The following TBCD variants were observed in gnomAD, a reference collection of about 807,000 sequenced individuals.
TBCD encodes tubulin folding cofactor D.
A neutral mutation model predicts 169.3 loss-of-function variants in TBCD; 105 were observed. The ratio of observed to expected loss-of-function variants is 0.62; its 90% CI spans 0.53 to 0.73. TBCD has a LOEUF of 0.73. TBCD is among the 30% of genes least tolerant of loss of function. TBCD has a pLI of 0.00. For missense variants in TBCD, 1,444 were observed against 1,600.1 expected, an observed-to-expected ratio of 0.90 and a Z score of 1.66; for synonymous variants, 700 against 643.9, an observed-to-expected ratio of 1.09 and a Z score of -1.32.
At chr17:82,931,523 C>T (rs915887771) in intron 33 of TBCD, among the ~76,000 whole-genome samples, 3 of 146,972 alleles carry the variant, frequency 2.0e-5, no homozygotes, top group Admixed American at 6.6e-5. Flanking sequence ...TCCGCCTTGC[C>T]GTTCGCTCAT....
intron 3 of TBCD, 81 bp downstream of exon 3, chr17:82,764,143 T>C (rs576934214): frequency 3.6e-6 from 4 of 1,111,550 alleles, no homozygotes; most frequent in Non-Finnish European, 5.3e-6. Flanking sequence ...AAAATGTTAT[T>C]TCTCAAGAAA....
At chr17:82,768,240 C>G (rs1568104495) in intron 4 of TBCD, among the ~76,000 whole-genome samples, 180 bp from the exon 5 acceptor site, 1 of 151,724 alleles carries the variant, frequency 6.6e-6, no homozygotes, top group South Asian at 2.1e-4. Flanking sequence ...GTGGGGATTC[C>G]GGGGGGGATG....
chr17:82,943,478 G>T lies in TBCD; in HGVS notation c.*1015G>T, dbSNP rs1555676257. On this transcript the variant is annotated 3_prime_UTR_variant, in exon 39 of 39. Coordinates refer to ENST00000355528, the MANE Select transcript of TBCD (RefSeq NM_005993.5). ...GAGCAACCCTTTCCCTATGTGAGGA[G>T]CCCAGGGGTGCCATGTGCGTGGTGT... is the stretch of plus-strand genomic sequence containing the variant. 1 of 152,236 alleles carries T rather than the reference G, an allele frequency of 6.6e-6. No individual in the cohort carries two copies. The highest frequency in any genetic ancestry group is 1.5e-5 in the Non-Finnish European group (1 of 68,098). 9.4% of individuals were successfully genotyped at this position (152,236 alleles called of 1,614,324 possible).
chr17:82,869,458 T>C (rs1418032955), intron 13 of TBCD, among the ~76,000 whole-genome samples: 1 of 152,008 alleles, frequency 6.6e-6, no homozygotes, highest in African/African-American at 2.4e-5. Context: ...AGGTGGAAGG[T>C]GCAGTGAGCC....
intron 13 of TBCD, among the ~76,000 whole-genome samples, chr17:82,828,486 A>G (rs2053141347): frequency 7.0e-6 from 1 of 143,020 alleles, no homozygotes; most frequent in Admixed American, 7.1e-5. Flanking sequence ...ACACGTGCAC[A>G]TCCACACAAT....
chr17:82,853,452 G>GC (rs2055982113), intron 13 of TBCD, among the ~76,000 whole-genome samples: 1 of 151,954 alleles, frequency 6.6e-6, no homozygotes, highest in Non-Finnish European at 1.5e-5. Flanking sequence ...GCCCAGGCTG[G>GC]AGTGCAGTGG....
Position 82,920,631 on chromosome 17 carries a change from G to A in TBCD, c.2101+13G>A, listed in dbSNP as rs766258155. ...GACACCGTAATTGGTAAGTGCTTTT[G>A]TTTTTAATAATAGCATTTTCTTACA... On this transcript the variant is annotated intron_variant, in intron 24 of 38. Transcript: ENST00000355528. This position sits in a 1 kb window ranked among gnomAD's most constrained non-coding sequence, Gnocchi z 4.1. 17 of 1,538,008 alleles carry A rather than the reference G, an allele frequency of 1.1e-5. No individual in the cohort carries two copies. The African/African-American group carries it at 1.1e-4, about 10-fold the overall frequency.
chr17:82,831,026 G>C lies in TBCD; in HGVS notation c.1318+16092G>C. 1 of 1,614,166 alleles carries C rather than the reference G, an allele frequency of 6.2e-7. No homozygotes were observed. The highest frequency in any genetic ancestry group is 1.1e-5 in the South Asian group (1 of 91,084). On this transcript the variant is annotated intron_variant, in intron 13 of 38. Transcript: ENST00000355528. The surrounding 1 kb of genome is among the most constrained non-coding windows in gnomAD (Gnocchi z 4.6). ...AAAATGACATTTTCTTACCTTACTG[G>C]AGACTCTGCTGTGGTCTCAGCAGCC...
chr17:82,931,099 C>T (rs2062163481), intron 33 of TBCD, among the ~76,000 whole-genome samples: 1 of 152,196 alleles, frequency 6.6e-6, no homozygotes, highest in Non-Finnish European at 1.5e-5. Flanking sequence ...TACATGGAGG[C>T]AGAGTATAGA....
At chr17:82,909,895 C>T (rs953709540) in intron 22 of TBCD, among the ~76,000 whole-genome samples, 6 of 152,240 alleles carry the variant, frequency 3.9e-5, no homozygotes, top group African/African-American at 1.4e-4. Context: ...GGCAGCCTGT[C>T]TGCTCTGACA....
At chr17:82,882,324 C>T (rs952749246) in intron 14 of TBCD, among the ~76,000 whole-genome samples, 2 of 152,242 alleles carry the variant, frequency 1.3e-5, no homozygotes, top group African/African-American at 4.8e-5. Flanking sequence ...CATTCCCCCC[C>T]AGCCCCTGAC....
At position 82,929,455 on chromosome 17, in the gene TBCD, C is replaced by T; in HGVS notation, c.2946C>T (p.Val982=). 6.2e-7 allele frequency: 1 copy of T among 1,611,234 alleles called. No individual in the cohort carries two copies. The highest frequency in any genetic ancestry group is 8.5e-7 in the Non-Finnish European group (1 of 1,179,884). Residue 982 remains valine, a synonymous_variant, in exon 32 of 39, where the codon GTC becomes GTT. Coordinates refer to ENST00000355528, the MANE Select transcript of TBCD (RefSeq NM_005993.5). ...LLGLPTYRYH[V]LLGLVVSLGG... ...GGCTGCCCACCTACCGCTACCACGT[C>T]CTGCTGGGGCTAGTCGTGTCCCTGG...
At chr17:82,919,714 G>A (rs770726994) in intron 23 of TBCD, among the ~76,000 whole-genome samples, 11 of 152,192 alleles carry the variant, frequency 7.2e-5, no homozygotes, top group Non-Finnish European at 1.5e-4. Flanking sequence ...GACAGACACA[G>A]AGCAGGGTCT....
intron 2 of TBCD, 151 bp from the exon 3 acceptor site, chr17:82,763,814 A>G (rs1220645127): frequency 1.5e-6 from 1 of 681,846 alleles, no homozygotes; most frequent in African/African-American, 1.8e-5. Flanking sequence ...ATCATAGCTC[A>G]TTGCCGCCTT....
chr17:82,814,943 C>A lies in TBCD; in HGVS notation c.1318+9C>A. On this transcript the variant is annotated intron_variant, in intron 13 of 38. Coordinates refer to ENST00000355528, the MANE Select transcript of TBCD (RefSeq NM_005993.5). ...GTCTCGACTCGTGGATGGTGAGTAG[C>A]TGAGGCACGGTCAGGGGGGATGTCT... is the stretch of plus-strand genomic sequence containing the variant. 6.2e-7 allele frequency: 1 copy of A among 1,608,580 alleles called. No individual in the cohort carries two copies. The highest frequency in any genetic ancestry group is 1.1e-5 in the South Asian group (1 of 90,480).
At chr17:82,937,995 G>C (rs1161510084) in intron 35 of TBCD, 54 bp from the exon 36 acceptor site, 2 of 1,603,496 alleles carry the variant, frequency 1.2e-6, no homozygotes, top group South Asian at 2.2e-5. Flanking sequence ...GGGTTTGCTG[G>C]GGTTGGCCTG....
intron 13 of TBCD, among the ~76,000 whole-genome samples, chr17:82,855,565 GC>G (rs1253817032): frequency 6.6e-6 from 1 of 152,038 alleles, no homozygotes; most frequent in Non-Finnish European, 1.5e-5. Context: ...ACTGTGCCTG[GC>G]CAGGTGTTTG....
Position 82,766,388 on chromosome 17 carries a change from C to A in TBCD, c.435+20C>A, listed in dbSNP as rs756981796. On this transcript the variant is annotated intron_variant, in intron 4 of 38. Coordinates refer to ENST00000355528, the MANE Select transcript of TBCD (RefSeq NM_005993.5). ...CATGAAGTGAGTGTCTCTGCCTCCC[C>A]CCTCGTCTCCAGCCCTCCGTGCCTG... The A allele has an allele frequency of 7.6e-6, 12 of 1,585,160 alleles. No homozygotes were observed. Among genetic ancestry groups the A allele is most frequent in the East Asian group, 4.5e-5 (2 of 44,492 alleles).
intron 20 of TBCD, among the ~76,000 whole-genome samples, chr17:82,906,341 G>T (rs1217082124): frequency 6.6e-6 from 1 of 152,206 alleles, no homozygotes; most frequent in Non-Finnish European, 1.5e-5. Context: ...GCCTCCTTGT[G>T]CACCTCCTGG....
Sources: gnomAD v4.1 joint callset for allele counts (sites outside exome capture counted in the v4.1 genomes callset) on GRCh38, gnomAD v4.1.1 for gene constraint, Gnocchi (gnomAD v3.1) non-coding constraint, MANE v1.5 for transcripts, NCBI Gene and HGNC (gene_info 2026-07-23, HGNC 2026-07-21) for gene names.